Variants in BCAS4 observed in about 807,000 individuals in gnomAD.
BCAS4 encodes breast carcinoma amplified sequence 4.
A neutral mutation model predicts 15.7 loss-of-function variants in BCAS4; 9 were observed. The ratio of observed to expected loss-of-function variants is 0.57; its 90% CI spans 0.34 to 1.00. The LOEUF is 1.00. Among genes scored for constraint, BCAS4 ranks in the 50% least tolerant of loss-of-function variants. BCAS4 has a pLI of 0.02. For missense variants in BCAS4, 225 were observed against 239.1 expected (o/e 0.94, Z 0.39); for synonymous variants, 101 against 99.5 (o/e 1.02, Z -0.09).
chr20:50,834,286 A>G (rs926558948), intron 3 of BCAS4, among the ~76,000 whole-genome samples: 1 of 143,306 alleles, frequency 7.0e-6, no homozygotes, highest in South Asian at 2.2e-4. Context: ...CTGGTCTCGA[A>G]CTCTTCTTTT....
chr20:50,809,926 G>A (rs1051173220), intron 1 of BCAS4, among the ~76,000 whole-genome samples: 3 of 152,162 alleles, frequency 2.0e-5, no homozygotes, highest in African/African-American at 7.2e-5. Context: ...GTGTATAGCA[G>A]TCTACTGATT....
intron 4 of BCAS4, among the ~76,000 whole-genome samples, chr20:50,854,095 T>C (rs1254386622): frequency 6.6e-6 from 1 of 152,180 alleles, no homozygotes; most frequent in Non-Finnish European, 1.5e-5. Context: ...TTTTATATGT[T>C]TCCTATAAAT....
chr20:50,798,240 G>C (rs2087889773), intron 1 of BCAS4, among the ~76,000 whole-genome samples: 1 of 152,066 alleles, frequency 6.6e-6, no homozygotes, highest in Non-Finnish European at 1.5e-5. Flanking sequence ...AGGTTGCAGT[G>C]AGCCGAGATC....
intron 2 of BCAS4, among the ~76,000 whole-genome samples, chr20:50,821,890 C>CT (rs1043911977): frequency 1.2e-4 from 18 of 152,196 alleles, no homozygotes; most frequent in Admixed American, 2.6e-4. Context: ...ACTTCACTTT[C>CT]TGATTCCTTC....
chr20:50,857,788 G>T (rs576743752), intron 4 of BCAS4, among the ~76,000 whole-genome samples: 1 of 152,298 alleles, frequency 6.6e-6, no homozygotes, highest in East Asian at 1.9e-4. Context: ...AGCCTCTAAG[G>T]CTTTGTGCCC....
At chr20:50,800,898 G>A (rs980942765) in intron 1 of BCAS4, among the ~76,000 whole-genome samples, 1 of 152,128 alleles carries the variant, frequency 6.6e-6, no homozygotes, top group Admixed American at 6.6e-5. Flanking sequence ...TGAGAGAAAA[G>A]AGAAATATTT....
chr20:50,871,629 T>C (rs1465425918), intron 4 of BCAS4, among the ~76,000 whole-genome samples: 4 of 152,288 alleles, frequency 2.6e-5, no homozygotes, highest in Admixed American at 2.0e-4. Context: ...TTCAGCAAAA[T>C]AGGGTTCACG....
intron 3 of BCAS4, among the ~76,000 whole-genome samples, chr20:50,836,899 G>A (rs1349550465): frequency 6.6e-6 from 1 of 152,010 alleles, no homozygotes; most frequent in Non-Finnish European, 1.5e-5. Flanking sequence ...TGTAGAGATG[G>A]AATTTTGCCA....
intron 1 of BCAS4, among the ~76,000 whole-genome samples, chr20:50,808,033 G>A (rs962300894): frequency 2.0e-5 from 3 of 150,946 alleles, no homozygotes; most frequent in East Asian, 2.0e-4. Context: ...TCAGCCTCCC[G>A]AGTAGCTGGG....
At chr20:50,845,248 A>G (rs1286497513) in intron 4 of BCAS4, among the ~76,000 whole-genome samples, 9 of 151,964 alleles carry the variant, frequency 5.9e-5, no homozygotes, top group Admixed American at 5.2e-4. Context: ...CCTGCACCCC[A>G]TTGGTCCATT....
chr20:50,804,344 C>T (rs1265928419), intron 1 of BCAS4, among the ~76,000 whole-genome samples: 2 of 152,104 alleles, frequency 1.3e-5, no homozygotes, highest in Non-Finnish European at 2.9e-5. Flanking sequence ...CGGCCTCATG[C>T]TTTTTTCACT....
At chr20:50,815,592 C>T (rs899836468) in intron 1 of BCAS4, among the ~76,000 whole-genome samples, 1 of 152,108 alleles carries the variant, frequency 6.6e-6, no homozygotes, top group Non-Finnish European at 1.5e-5. Flanking sequence ...TTCTTTTTCC[C>T]CGTCTTCTCT....
Position 50,876,480 on chromosome 20 carries a change from T to A in BCAS4, c.400-6T>A. The A allele has an allele frequency of 6.2e-7, 1 of 1,612,674 alleles. No individual in the cohort carries two copies. Among genetic ancestry groups the A allele is most frequent in the Non-Finnish European group, 8.5e-7 (1 of 1,179,482 alleles). On this transcript the variant is annotated splice_polypyrimidine_tract_variant and splice_region_variant and intron_variant, in intron 4 of 4. Coordinates refer to ENST00000371608, the MANE Select transcript of BCAS4 (RefSeq NM_198799.4). ...GCTGATAGAGCTTCATTTCTTGTCA[T>A]TCCAGAAGTCACCTGCACCGGTGCC...
chr20:50,827,466 C>G (rs2088290637), intron 2 of BCAS4, among the ~76,000 whole-genome samples: 1 of 152,218 alleles, frequency 6.6e-6, no homozygotes, highest in African/African-American at 2.4e-5. Flanking sequence ...CCTTTCCAGA[C>G]CCATTCAATC....
At chr20:50,844,679 G>A (rs911857926) in intron 4 of BCAS4, among the ~76,000 whole-genome samples, 1 of 152,100 alleles carries the variant, frequency 6.6e-6, no homozygotes, top group East Asian at 1.9e-4. Context: ...TCACTACTGG[G>A]TTTGGAATCC....
chr20:50,827,281 G>A (rs563077812), intron 2 of BCAS4, among the ~76,000 whole-genome samples: 2 of 152,302 alleles, frequency 1.3e-5, no homozygotes, highest in African/African-American at 2.4e-5. Context: ...CTCGATTTTT[G>A]TGATGTTTTT....
upstream of BCAS4, chr20:50,794,928 C>A: frequency 9.0e-7 from 1 of 1,110,256 alleles, no homozygotes; most frequent in South Asian, 4.5e-5. Context: ...CCCGGCGCTC[C>A]TGGAGCTGCG....
At chr20:50,832,394 A>C (rs2088354368) in intron 3 of BCAS4, among the ~76,000 whole-genome samples, 1 of 151,684 alleles carries the variant, frequency 6.6e-6, no homozygotes, top group African/African-American at 2.4e-5. Flanking sequence ...AGTAGCTGGG[A>C]TTATAGGTGC....
At chr20:50,874,328 G>T (rs564627837) in intron 4 of BCAS4, among the ~76,000 whole-genome samples, 1 of 152,066 alleles carries the variant, frequency 6.6e-6, no homozygotes, top group African/African-American at 2.4e-5. Flanking sequence ...CTGGAACACC[G>T]GCCCTTGGTA....
Sources: gnomAD v4.1 joint callset for allele counts (sites outside exome capture counted in the v4.1 genomes callset) on GRCh38, gnomAD v4.1.1 for gene constraint, MANE v1.5 for transcripts, NCBI Gene and HGNC (gene_info 2026-07-23, HGNC 2026-07-21) for gene names.